The following ZNF385D variants were observed in gnomAD, a reference collection of about 807,000 sequenced individuals.
ZNF385D encodes the protein zinc finger protein 385D.
Under a neutral mutation model 35.8 loss-of-function variants are expected in ZNF385D, and 15 were observed. The ratio of observed to expected loss-of-function variants is 0.42; its 90% CI spans 0.28 to 0.64. ZNF385D has a LOEUF of 0.64. Ranked by LOEUF, ZNF385D falls within the 30% of genes least tolerant of loss-of-function variation. The probability of loss-of-function intolerance (pLI) is 0.23; values close to 1 mark genes in which losing one functional copy is unlikely to be tolerated. For synonymous variants in ZNF385D, 212 were observed against 186.8 expected (o/e 1.13, Z -1.10); for missense variants, 474 against 494.6 (o/e 0.96, Z 0.39).
intron 1 of ZNF385D, among the ~76,000 whole-genome samples, chr3:21,676,978 C>T (rs2066748401): frequency 6.6e-6 from 1 of 152,000 alleles, no homozygotes; most frequent in African/African-American, 2.4e-5. Context: ...AAAAGAGAAA[C>T]TGCTTATAGC....
chr3:21,698,093 T>C (rs550779484), intron 1 of ZNF385D, among the ~76,000 whole-genome samples: 101 of 152,154 alleles, frequency 6.6e-4, no homozygotes, highest in Non-Finnish European at 1.3e-3. Context: ...ATCCCACTAC[T>C]TGACTATCTA....
chr3:21,951,777 G>T (rs1240216510), intron 3 of ZNF385D, among the ~76,000 whole-genome samples: 2 of 151,502 alleles, frequency 1.3e-5, no homozygotes, highest in African/African-American at 4.9e-5. Context: ...TATATACAAT[G>T]CATTTTCTAA....
intron 3 of ZNF385D, among the ~76,000 whole-genome samples, chr3:22,161,063 C>T (rs1239434295): frequency 6.6e-6 from 1 of 152,048 alleles, no homozygotes. Flanking sequence ...TTTAATACTT[C>T]ATTCTATACC....
chr3:22,003,728 A>G (rs1006515198), intron 3 of ZNF385D, among the ~76,000 whole-genome samples: 2 of 152,046 alleles, frequency 1.3e-5, no homozygotes, highest in Admixed American at 6.5e-5. Context: ...TTAGCCAGGT[A>G]TGGTGGCAGG....
intron 2 of ZNF385D, among the ~76,000 whole-genome samples, chr3:21,600,373 A>T (rs1267975030): frequency 6.6e-6 from 1 of 152,170 alleles, no homozygotes. Flanking sequence ...ATTATTAGTG[A>T]TAGTTTTATT....
At chr3:22,028,416 C>G (rs905964990) in intron 3 of ZNF385D, among the ~76,000 whole-genome samples, 5 of 152,212 alleles carry the variant, frequency 3.3e-5, no homozygotes, top group African/African-American at 1.2e-4. Flanking sequence ...CTCACCAAGG[C>G]TGACCTGGTT....
At chr3:22,243,019 A>G (rs1003294740) in intron 2 of ZNF385D, among the ~76,000 whole-genome samples, 12 of 151,132 alleles carry the variant, frequency 7.9e-5, no homozygotes, top group Non-Finnish European at 1.6e-4. Flanking sequence ...AAGCAACAAA[A>G]TAACACAGTA....
At chr3:21,546,930 A>G (rs184397019) in intron 3 of ZNF385D, among the ~76,000 whole-genome samples, 89 of 151,972 alleles carry the variant, frequency 5.9e-4, no homozygotes, top group African/African-American at 2.1e-3. Context: ...AGAAGAGGGA[A>G]AGTGGACACT....
intron 1 of ZNF385D, among the ~76,000 whole-genome samples, chr3:21,748,563 T>G (rs2069896628): frequency 1.3e-5 from 2 of 152,196 alleles, no homozygotes; most frequent in African/African-American, 4.8e-5. Context: ...AAAGGATTTG[T>G]GACATCTCTA....
intron 2 of ZNF385D, among the ~76,000 whole-genome samples, chr3:21,605,733 T>C (rs1425300439): frequency 6.6e-6 from 1 of 152,214 alleles, no homozygotes; most frequent in Non-Finnish European, 1.5e-5. Flanking sequence ...AGTTGTTAAA[T>C]ATCTCATTTA....
intron 3 of ZNF385D, among the ~76,000 whole-genome samples, chr3:21,791,619 C>T (rs754664049): frequency 8.5e-5 from 13 of 152,242 alleles, no homozygotes; most frequent in South Asian, 2.1e-4. Context: ...GCAGCTCTAA[C>T]GGTTTTCACT....
chr3:22,308,762 G>T (rs890229877), intron 2 of ZNF385D, among the ~76,000 whole-genome samples: 1 of 152,072 alleles, frequency 6.6e-6, no homozygotes, highest in Non-Finnish European at 1.5e-5. Flanking sequence ...AATTAAAGTG[G>T]AGATTTTAAA....
chr3:22,030,886 G>A (rs983668690), intron 3 of ZNF385D, among the ~76,000 whole-genome samples: 1 of 152,222 alleles, frequency 6.6e-6, no homozygotes, highest in Non-Finnish European at 1.5e-5. Context: ...CCAAGACACA[G>A]TGGAGGTACA....
chr3:22,275,706 T>C (rs757362932), intron 2 of ZNF385D, among the ~76,000 whole-genome samples: 12 of 152,156 alleles, frequency 7.9e-5, no homozygotes, highest in African/African-American at 1.2e-4. Flanking sequence ...CATATCCTTA[T>C]ATCTGGTGAT....
At chr3:21,593,097 C>T (rs755423530) in intron 2 of ZNF385D, among the ~76,000 whole-genome samples, 6 of 152,276 alleles carry the variant, frequency 3.9e-5, no homozygotes, top group South Asian at 2.1e-4. Context: ...GCCTTTTCCC[C>T]GGCTGCTGTA....
chr3:22,213,447 C>T (rs1218594688), intron 2 of ZNF385D, among the ~76,000 whole-genome samples: 1 of 152,174 alleles, frequency 6.6e-6, no homozygotes, highest in South Asian at 2.1e-4. Flanking sequence ...ATGTGATTTA[C>T]TTCTAGAAAT....
At position 21,583,170 on chromosome 3, in the gene ZNF385D, A is replaced by G. The variant is rs2063715439; in HGVS notation, c.166-18486T>C. Among the ~76,000 whole-genome samples, 4 of 152,124 alleles carry G rather than the reference A, an allele frequency of 2.6e-5. 1 individual carries two copies. In the South Asian group the frequency reaches 8.3e-4, roughly 32 times the overall value. Reference sequence around the variant, plus strand: ...ATTGGTGGCTTCCTATATAAACTACAATATAAACTATAAAAACGAAAATAT... The same window carrying G: ...ATTGGTGGCTTCCTATATAAACTACGATATAAACTATAAAAACGAAAATAT... On this transcript the variant is annotated intron_variant, in intron 2 of 7. Coordinates refer to ENST00000281523, the MANE Select transcript of ZNF385D (RefSeq NM_024697.3).
intron 1 of ZNF385D, 23 bp downstream of exon 1, chr3:21,750,872 A>C: frequency 6.2e-7 from 1 of 1,613,956 alleles, no homozygotes; most frequent in Non-Finnish European, 8.5e-7. Context: ...CCCCAGAATT[A>C]CATCATCAGA....
At chr3:22,118,193 C>G (rs1407036881) in intron 3 of ZNF385D, among the ~76,000 whole-genome samples, 2 of 152,050 alleles carry the variant, frequency 1.3e-5, no homozygotes, top group African/African-American at 2.4e-5. Flanking sequence ...GCTAATGTCT[C>G]TCTTATTCCA....
Sources: gnomAD v4.1 joint callset for allele counts (sites outside exome capture counted in the v4.1 genomes callset) on GRCh38, gnomAD v4.1.1 for gene constraint, MANE v1.5 for transcripts, NCBI Gene and HGNC (gene_info 2026-07-23, HGNC 2026-07-21) for gene names.